Variants in SHISA6 observed in about 807,000 individuals in gnomAD.
SHISA6 encodes the protein protein shisa-6.
SHISA6 carries 22 observed loss-of-function variants against 47.9 expected under a neutral mutation model. That is an observed-to-expected ratio of 0.46 (90% confidence interval 0.33 to 0.66). The LOEUF (loss-of-function observed/expected upper bound fraction) is 0.66. Among genes scored for constraint, SHISA6 ranks in the 30% least tolerant of loss-of-function variants. The pLI, the probability that SHISA6 is intolerant of heterozygous loss-of-function variation, is 0.02. For synonymous variants in SHISA6, 388 were observed against 337.8 expected, an observed-to-expected ratio of 1.15 and a Z score of -1.63; for missense variants, 680 against 764.6, an observed-to-expected ratio of 0.89 and a Z score of 1.30.
chr17:11,358,951 C>T (rs903354655), intron 2 of SHISA6, among the ~76,000 whole-genome samples: 4 of 152,182 alleles, frequency 2.6e-5, no homozygotes, highest in Non-Finnish European at 2.9e-5. Flanking sequence ...TGAGCTACCA[C>T]ACCCAGCCCA....
At chr17:11,404,800 G>T (rs1213022275) in intron 3 of SHISA6, among the ~76,000 whole-genome samples, 1 of 152,212 alleles carries the variant, frequency 6.6e-6, no homozygotes, top group Non-Finnish European at 1.5e-5. Context: ...ACAGAAGGAT[G>T]ACCTCGCCTT....
At chr17:11,493,377 C>T (rs1160229721) in intron 3 of SHISA6, among the ~76,000 whole-genome samples, 1 of 152,070 alleles carries the variant, frequency 6.6e-6, no homozygotes, top group African/African-American at 2.4e-5. Flanking sequence ...CAGGTGCATG[C>T]CACCACGCTC....
At chr17:11,353,973 C>T (rs558809881) in intron 2 of SHISA6, among the ~76,000 whole-genome samples, 17 of 152,172 alleles carry the variant, frequency 1.1e-4, no homozygotes, top group African/African-American at 4.1e-4. Flanking sequence ...AGGGGTTTCC[C>T]GACTTCAGCA....
Position 11,293,372 on chromosome 17 carries a change from C to T in SHISA6, c.799+29846C>T, listed in dbSNP as rs1436755767. ...TGCAAGGGAAATGGATTTTCAAGGA[C>T]GACTACTACATGTTAAAAGCAAGTT... is the stretch of plus-strand genomic sequence containing the variant. On this transcript the variant is annotated intron_variant, in intron 2 of 5. Coordinates refer to ENST00000441885, the MANE Select transcript of SHISA6 (RefSeq NM_207386.4). Among the ~76,000 whole-genome samples, 9 of 152,148 alleles carry T rather than the reference C, an allele frequency of 5.9e-5. 1 individual carries two copies. The South Asian group carries it at 6.2e-4, about 11-fold the overall frequency.
At chr17:11,369,950 A>T (rs1912580461) in intron 2 of SHISA6, among the ~76,000 whole-genome samples, 1 of 152,224 alleles carries the variant, frequency 6.6e-6, no homozygotes, top group Admixed American at 6.5e-5. Context: ...CTGGGAAATC[A>T]AAGACACTGA....
At chr17:11,291,802 C>T (rs187547259) in intron 2 of SHISA6, among the ~76,000 whole-genome samples, 4 of 152,266 alleles carry the variant, frequency 2.6e-5, no homozygotes, top group African/African-American at 7.2e-5. Flanking sequence ...GGTCACCCCT[C>T]TGTGTGTGCA....
Position 11,526,013 on chromosome 17 carries a change from G to GAA in SHISA6, c.896-25872_896-25871dup, listed in dbSNP as rs10685171. Reference sequence around the variant, plus strand: ...AACAAGCGAGACCCTATCTTAAAAAGAAAAAAAAAAAACCTGTCTTCAATA... The same window carrying GAA: ...AACAAGCGAGACCCTATCTTAAAAAGAAAAAAAAAAAAAACCTGTCTTCAATA... On this transcript the variant is annotated intron_variant, in intron 3 of 5. Coordinates refer to ENST00000441885, the MANE Select transcript of SHISA6 (RefSeq NM_207386.4). Among the ~76,000 whole-genome samples, 892 of 142,424 alleles carry GAA rather than the reference G, an allele frequency of 6.3e-3. 6 individuals carry two copies. The highest frequency in any genetic ancestry group is 0.019 in the African/African-American group (721 of 38,602). 93.4% of individuals were successfully genotyped at this position (142,424 alleles called of 152,430 possible). A position where few individuals can be genotyped will look rare whatever the true frequency, so the allele number is the denominator to read the frequency against.
chr17:11,507,872 C>T (rs1251050541), intron 3 of SHISA6, among the ~76,000 whole-genome samples: 3 of 152,202 alleles, frequency 2.0e-5, no homozygotes, highest in Admixed American at 1.3e-4. Context: ...ATTGAAACAT[C>T]TGTTCAAATT....
rs970531410 is a variant in SHISA6, at chr17:11,504,556, G to A, written c.896-47340G>A. Among the ~76,000 whole-genome samples, 7 of 152,116 alleles carry A rather than the reference G, an allele frequency of 4.6e-5. 1 individual carries two copies. Among genetic ancestry groups the A allele is most frequent in the African/African-American group, 1.4e-4 (6 of 41,416 alleles). ...GCCAGAGAATAGAAGGCATAGAGTA[G>A]GAAAGTATCTATCAAATCACATGCA... is the stretch of plus-strand genomic sequence containing the variant. On this transcript the variant is annotated intron_variant, in intron 3 of 5. Coordinates refer to ENST00000441885, the MANE Select transcript of SHISA6 (RefSeq NM_207386.4).
chr17:11,388,788 GTTTATATATATATATATATATATA>G (rs1275219822), intron 3 of SHISA6, among the ~76,000 whole-genome samples: 1,725 of 49,092 alleles, frequency 0.035, 62 homozygotes, highest in Admixed American at 0.17. Flanking sequence ...TCAAACAAAA[GTTTATATATATATATATATATATA>G]TATATATATA....
chr17:11,418,757 C>G (rs1319789409), intron 3 of SHISA6, among the ~76,000 whole-genome samples: 1 of 152,182 alleles, frequency 6.6e-6, no homozygotes, highest in African/African-American at 2.4e-5. Context: ...CTTTCCCTGC[C>G]ACCCCACCTG....
At chr17:11,299,666 G>A (rs548003291) in intron 2 of SHISA6, among the ~76,000 whole-genome samples, 12 of 152,122 alleles carry the variant, frequency 7.9e-5, no homozygotes, top group Non-Finnish European at 1.8e-4. Context: ...GTCCTTTCCT[G>A]CATCTTCAAA....
chr17:11,391,425 C>G (rs930950380), intron 3 of SHISA6, among the ~76,000 whole-genome samples: 4 of 152,152 alleles, frequency 2.6e-5, no homozygotes, highest in African/African-American at 9.7e-5. Context: ...GACCACTGCC[C>G]ATGCCCTCTT....
At chr17:11,276,542 C>G (rs1445854055) in intron 2 of SHISA6, among the ~76,000 whole-genome samples, 1 of 152,152 alleles carries the variant, frequency 6.6e-6, no homozygotes, top group South Asian at 2.1e-4. Flanking sequence ...ATTTGCTTCT[C>G]TTTATCTCTC....
chr17:11,495,677 A>G (rs2071402175), intron 3 of SHISA6, among the ~76,000 whole-genome samples: 1 of 152,194 alleles, frequency 6.6e-6, no homozygotes, highest in Non-Finnish European at 1.5e-5. Context: ...CAAGGATGCA[A>G]GGCATCTTCC....
At position 11,561,838 on chromosome 17, in the gene SHISA6, T is replaced by C. The variant is rs1597589024; in HGVS notation, c.*3534T>C. ...TAAGACATTCTTTCGGTCTTCTGTT[T>C]GCCTCACTGGTGTATCCTTCATCTC... On this transcript the variant is annotated 3_prime_UTR_variant, in exon 6 of 6. Coordinates refer to ENST00000441885, the MANE Select transcript of SHISA6 (RefSeq NM_207386.4). 6.6e-6 allele frequency: 1 copy of C among 152,254 alleles called. No homozygotes were observed. The highest frequency in any genetic ancestry group is 1.9e-4 in the East Asian group (1 of 5,144). 9.4% of individuals were successfully genotyped at this position (152,254 alleles called of 1,614,324 possible). A position where few individuals can be genotyped will look rare whatever the true frequency, so the allele number is the denominator to read the frequency against.
intron 1 of SHISA6, among the ~76,000 whole-genome samples, chr17:11,249,800 T>C (rs1907734441): frequency 6.6e-6 from 1 of 152,156 alleles, no homozygotes; most frequent in Admixed American, 6.5e-5. Context: ...ATGAATGAGA[T>C]AGGTGATCAG....
At chr17:11,407,338 G>A (rs999965540) in intron 3 of SHISA6, among the ~76,000 whole-genome samples, 8 of 151,944 alleles carry the variant, frequency 5.3e-5, no homozygotes, top group African/African-American at 1.9e-4. Context: ...ATCGCTGTGG[G>A]GAACTGTGCT....
chr17:11,552,084 A>T, intron 4 of SHISA6, 132 bp downstream of exon 4: 1 of 905,208 alleles, frequency 1.1e-6, no homozygotes, highest in Non-Finnish European at 1.7e-6. Flanking sequence ...AAGGAGCCAC[A>T]GGCTCGCCCT....
Sources: gnomAD v4.1 joint callset for allele counts (sites outside exome capture counted in the v4.1 genomes callset) on GRCh38, gnomAD v4.1.1 for gene constraint, MANE v1.5 for transcripts, NCBI Gene and HGNC (gene_info 2026-07-23, HGNC 2026-07-21) for gene names.